Variants in RTN4IP1 observed in about 807,000 individuals in gnomAD.
RTN4IP1 encodes NAD(P)H oxidoreductase RTN4IP1, mitochondrial.
RTN4IP1 carries 32 observed loss-of-function variants against 46.6 expected under a neutral mutation model. The observed-to-expected ratio is 0.69, with a 90% CI of 0.52 to 0.92. The LOEUF is 0.92. Among genes scored for constraint, RTN4IP1 ranks in the 40% least tolerant of loss-of-function variants. The probability of loss-of-function intolerance (pLI) is 0.00; values close to 1 mark genes in which losing one functional copy is unlikely to be tolerated. For synonymous variants in RTN4IP1, 167 were observed against 161.8 expected (o/e 1.03, Z -0.24); for missense variants, 424 against 485.8 (o/e 0.87, Z 1.20).
intron 6 of RTN4IP1, among the ~76,000 whole-genome samples, chr6:106,589,329 A>C (rs945260597): frequency 1.4e-5 from 2 of 147,528 alleles, no homozygotes; most frequent in African/African-American, 5.0e-5. Context: ...GAGGAAGAAG[A>C]GGAAGAGGAA....
intron 6 of RTN4IP1, among the ~76,000 whole-genome samples, chr6:106,588,653 G>C (rs561915210): frequency 3.3e-5 from 5 of 152,282 alleles, no homozygotes; most frequent in Non-Finnish European, 4.4e-5. Flanking sequence ...TGAAAACAAA[G>C]ATCTATATAG....
chr6:106,603,971 G>A (rs1348971129), intron 4 of RTN4IP1, among the ~76,000 whole-genome samples: 7 of 151,940 alleles, frequency 4.6e-5, no homozygotes, highest in South Asian at 2.1e-4. Context: ...TCTTTATGAC[G>A]GCCTACAAAA....
Position 106,571,919 on chromosome 6 carries a change from G to C in RTN4IP1, c.*77C>G, listed in dbSNP as rs1775073858. On this transcript the variant is annotated 3_prime_UTR_variant, in exon 9 of 9. Coordinates refer to ENST00000369063, the MANE Select transcript of RTN4IP1 (RefSeq NM_032730.5). ...TCTAATCTGGAAAAATGTTTGAAAG[G>C]GATGGCTAGAAAAAAATTTGGGCTC... 2.3e-6 allele frequency: 2 copies of C among 885,586 alleles called. No homozygotes were observed. The highest frequency in any genetic ancestry group is 3.9e-5 in the Admixed American group (2 of 51,354). The allele number at this position is 885,586 out of a possible 1,614,324, so 54.9% of individuals were successfully genotyped here.
chr6:106,573,048 C>T (rs143019773), intron 8 of RTN4IP1, among the ~76,000 whole-genome samples: 9 of 152,318 alleles, frequency 5.9e-5, no homozygotes, highest in Non-Finnish European at 8.8e-5. Flanking sequence ...TGCTAAACAA[C>T]GGTGCAGCCG....
At position 106,608,783 on chromosome 6, in the gene RTN4IP1, G is replaced by GA. The variant is rs201459341; in HGVS notation, c.621-5862dup. Among the ~76,000 whole-genome samples the GA allele has an allele frequency of 9.8e-3, 1,495 of 152,154 alleles. 56 individuals are homozygous for GA. Among genetic ancestry groups the GA allele is most frequent in the Admixed American group, 0.064 (982 of 15,294 alleles). ...ATAGCTTTAGTCTTCCTAAATGAGG[G>GA]AAAAAAGTATGAAAAGTGCTTCAAA... On this transcript the variant is annotated intron_variant, in intron 4 of 8. Coordinates refer to ENST00000369063, the MANE Select transcript of RTN4IP1 (RefSeq NM_032730.5).
In RTN4IP1 at chr6:106,608,144, C is replaced by T. The variant is rs571789587; in HGVS notation, c.621-5222G>A. 5.9e-5 allele frequency among the ~76,000 whole-genome samples: 9 copies of T among 152,162 alleles called. No individual in the cohort carries two copies. The South Asian group carries it at 1.2e-3, about 21-fold the overall frequency. The stretch of plus-strand genomic sequence containing the variant: ...TATGTATACACAAGGTAATACTATT[C>T]AGCCATAAAAAAGAAAGAATGATAT... On this transcript the variant is annotated intron_variant, in intron 4 of 8. Coordinates refer to ENST00000369063, the MANE Select transcript of RTN4IP1 (RefSeq NM_032730.5).
chr6:106,576,714 A>C (rs1360632890), intron 8 of RTN4IP1, among the ~76,000 whole-genome samples: 1 of 152,248 alleles, frequency 6.6e-6, no homozygotes, highest in African/African-American at 2.4e-5. Flanking sequence ...TACGTTAATC[A>C]AAAGTAAGTA....
intron 4 of RTN4IP1, among the ~76,000 whole-genome samples, chr6:106,611,790 C>T (rs1328971020): frequency 2.0e-5 from 3 of 152,190 alleles, no homozygotes; most frequent in African/African-American, 7.2e-5. Flanking sequence ...TGACATCCCC[C>T]AATTTACAGA....
intron 4 of RTN4IP1, among the ~76,000 whole-genome samples, chr6:106,604,674 A>G (rs1415179953): frequency 6.6e-6 from 1 of 152,184 alleles, no homozygotes; most frequent in Non-Finnish European, 1.5e-5. Context: ...CACACAGCCC[A>G]GATGAATTTT....
chr6:106,593,631 A>C (rs1489843826), intron 5 of RTN4IP1, among the ~76,000 whole-genome samples: 2 of 152,214 alleles, frequency 1.3e-5, no homozygotes, highest in Admixed American at 1.3e-4. Context: ...CATGGCACAC[A>C]AAGGTGCTTA....
At chr6:106,580,718 C>CAAAAA (rs761745131) in intron 8 of RTN4IP1, among the ~76,000 whole-genome samples, 1 of 99,730 alleles carries the variant, frequency 1.0e-5, no homozygotes, top group Non-Finnish European at 2.0e-5. Flanking sequence ...GACTCTGTCT[C>CAAAAA]AAAGAAAAAA....
rs184103562 is a variant in RTN4IP1, at chr6:106,595,790, G to A, written c.670-3490C>T. On this transcript the variant is annotated intron_variant, in intron 5 of 8. Coordinates refer to ENST00000369063, the MANE Select transcript of RTN4IP1 (RefSeq NM_032730.5). ...TGAGATTACAGGCATGAGCCAACGC[G>A]TCCAGCCTGAATACTTTCACAAAAT... 9.7e-4 allele frequency among the ~76,000 whole-genome samples: 148 copies of A among 152,224 alleles called. 2 individuals carry two copies. The highest frequency in any genetic ancestry group is 3.4e-3 in the African/African-American group (141 of 41,538).
At chr6:106,600,517 A>G (rs1445599751) in intron 5 of RTN4IP1, among the ~76,000 whole-genome samples, 2 of 152,140 alleles carry the variant, frequency 1.3e-5, no homozygotes, top group Admixed American at 1.3e-4. Context: ...CTAATTCCAG[A>G]ATATTTTAAG....
At chr6:106,614,062 TG>T (rs1306957938) in intron 4 of RTN4IP1, among the ~76,000 whole-genome samples, 2 of 152,222 alleles carry the variant, frequency 1.3e-5, no homozygotes, top group East Asian at 1.9e-4. Context: ...CTGACCACCT[TG>T]GGTGCATGTC....
chr6:106,571,945 A>G lies in RTN4IP1; in HGVS notation c.*51T>C, dbSNP rs371472208. On this transcript the variant is annotated 3_prime_UTR_variant, in exon 9 of 9. Coordinates refer to ENST00000369063, the MANE Select transcript of RTN4IP1 (RefSeq NM_032730.5). ...GATGGCTAGAAAAAAATTTGGGCTC[A>G]CAGGCACTCACCAAATAAGAACGTC... 1.2e-4 allele frequency: 165 copies of G among 1,395,798 alleles called. 1 individual carries two copies. The African/African-American group carries it at 1.8e-3, about 15-fold the overall frequency. 86.5% of individuals were successfully genotyped at this position (1,395,798 alleles called of 1,614,324 possible). A position where few individuals can be genotyped will look rare whatever the true frequency, so the allele number is the denominator to read the frequency against.
chr6:106,594,619 G>A (rs1775739516), intron 5 of RTN4IP1, among the ~76,000 whole-genome samples: 3 of 151,998 alleles, frequency 2.0e-5, no homozygotes, highest in African/African-American at 7.2e-5. Flanking sequence ...TCTCCCATGT[G>A]CCCCAAACCA....
chr6:106,589,663 T>C (rs1214035393), intron 6 of RTN4IP1, among the ~76,000 whole-genome samples: 2 of 152,162 alleles, frequency 1.3e-5, no homozygotes, highest in Non-Finnish European at 2.9e-5. Context: ...AGGGTTGGAC[T>C]GAAGGATTTC....
Position 106,587,761 on chromosome 6 carries a change from G to A in RTN4IP1, c.908C>T (p.Pro303Leu). ...SGATYVTLVT[P>L]FLLNMDRLGI... ...CAATCGGTCCATGTTCAGGAGGAAA[G>A]GAGTCACCAAAGTCACATAGGTGGC... Residue 303 changes from proline to leucine, a missense_variant, in exon 7 of 9, where the codon CCT (proline) becomes CTT (leucine). By Grantham distance (98) the Pro-to-Leu change is moderately conservative. Transcript: ENST00000369063. The A allele has an allele frequency of 6.2e-7, 1 of 1,614,014 alleles. No individual in the cohort carries two copies. Among genetic ancestry groups the A allele is most frequent in the Non-Finnish European group, 8.5e-7 (1 of 1,180,006 alleles).
Position 106,629,340 on chromosome 6 carries a change from C to A in RTN4IP1, c.-319G>T. On this transcript the variant is annotated 5_prime_UTR_variant, in exon 1 of 9. Coordinates refer to ENST00000369063, the MANE Select transcript of RTN4IP1 (RefSeq NM_032730.5). ...GGCATTAAAAAGCAGGTGCGCAAAC[C>A]CCCTAGATCCCTGCCCTGTCCTGGG... 1.9e-6 allele frequency: 1 copy of A among 536,594 alleles called. No homozygotes were observed. The allele number at this position is 536,594 out of a possible 1,614,324, so 33.2% of individuals were successfully genotyped here.
Sources: gnomAD v4.1 joint callset for allele counts (sites outside exome capture counted in the v4.1 genomes callset) on GRCh38, gnomAD v4.1.1 for gene constraint, MANE v1.5 for transcripts, NCBI Gene and HGNC (gene_info 2026-07-23, HGNC 2026-07-21) for gene names.